The following WDR59 variants were observed in gnomAD, a reference collection of about 807,000 sequenced individuals.
WDR59 encodes GATOR2 complex protein WDR59.
Under a neutral mutation model 131.2 loss-of-function variants are expected in WDR59, and 100 were observed. That is an observed-to-expected ratio of 0.76 (90% CI 0.65 to 0.90). The LOEUF is 0.90. WDR59 is among the 40% of genes least tolerant of loss of function. The pLI is 0.00. For missense variants in WDR59, 1,203 were observed against 1,262.2 expected, an observed-to-expected ratio of 0.95 and a Z score of 0.71; for synonymous variants, 601 against 466.2, an observed-to-expected ratio of 1.29 and a Z score of -3.72.
chr16:74,923,564 G>C (rs941953216), intron 9 of WDR59, among the ~76,000 whole-genome samples: 3 of 152,010 alleles, frequency 2.0e-5, no homozygotes, highest in African/African-American at 7.3e-5. Context: ...TGCAAGCTCT[G>C]CCTCCCGGGT....
chr16:74,882,463 T>C (rs561596172), intron 25 of WDR59, among the ~76,000 whole-genome samples: 1 of 152,134 alleles, frequency 6.6e-6, no homozygotes, highest in African/African-American at 2.4e-5. Flanking sequence ...CCAGGTATGG[T>C]GTCTCACACC....
chr16:74,891,099 C>T (rs1410105772), intron 20 of WDR59, among the ~76,000 whole-genome samples: 1 of 137,792 alleles, frequency 7.3e-6, no homozygotes, highest in African/African-American at 2.8e-5. Flanking sequence ...GGCGACAGAG[C>T]GAGACTCTGT....
chr16:74,979,710 T>TTTA, intron 1 of WDR59, among the ~76,000 whole-genome samples: 1 of 147,172 alleles, frequency 6.8e-6, no homozygotes, highest in South Asian at 2.2e-4. Flanking sequence ...CCGGCTAATT[T>TTTA]TTGTATTTTT....
intron 8 of WDR59, among the ~76,000 whole-genome samples, chr16:74,929,249 G>C (rs1379801929): frequency 2.6e-5 from 4 of 152,042 alleles, no homozygotes. Context: ...TAATTTTTTT[G>C]TATTTTTAGT....
chr16:74,875,420 T>C (rs1964167899), intron 25 of WDR59, among the ~76,000 whole-genome samples: 1 of 152,178 alleles, frequency 6.6e-6, no homozygotes, highest in African/African-American at 2.4e-5. Context: ...GCCAATGTCA[T>C]CCAGCTTCAC....
rs977162019 is a variant in WDR59 at position 74,905,146 on chromosome 16, C to T, written c.1713-1046G>A. Among the ~76,000 whole-genome samples the T allele has an allele frequency of 3.9e-5, 6 of 152,210 alleles. No homozygotes were observed. The East Asian group carries it at 5.8e-4, about 15-fold the overall frequency. ...ATCCCAGCACTTTGGGAGGCCAAGG[C>T]GGGCAGATTACCTGAGGTCGGGAGT... On this transcript the variant is annotated intron_variant, in intron 17 of 25. Coordinates refer to ENST00000262144, the MANE Select transcript of WDR59 (RefSeq NM_030581.4).
intron 7 of WDR59, among the ~76,000 whole-genome samples, chr16:74,939,695 G>A (rs1462075339): frequency 6.6e-6 from 1 of 152,136 alleles, no homozygotes; most frequent in Non-Finnish European, 1.5e-5. Flanking sequence ...GAGGATAAGA[G>A]TGCAGTCTCC....
chr16:74,960,743 G>A (rs994967043), intron 2 of WDR59, among the ~76,000 whole-genome samples: 2 of 115,346 alleles, frequency 1.7e-5, no homozygotes, highest in African/African-American at 3.5e-5. Flanking sequence ...GCAAGATTCC[G>A]TCTCAAAAAT....
chr16:74,924,068 C>T (rs1351442808), intron 8 of WDR59, 65 bp from the exon 9 acceptor site: 7 of 1,509,682 alleles, frequency 4.6e-6, no homozygotes, highest in Non-Finnish European at 6.4e-6. Context: ...CTGAAATAAG[C>T]ACAGCCTTTG....
At chr16:74,971,684 G>A (rs559765607) in intron 1 of WDR59, among the ~76,000 whole-genome samples, 14 of 151,978 alleles carry the variant, frequency 9.2e-5, no homozygotes, top group Admixed American at 2.0e-4. Context: ...CCACCTGCCT[G>A]GGCCTCCCAA....
Position 74,903,931 on chromosome 16 carries a change from C to T in WDR59, c.1866+16G>A, listed in dbSNP as rs767858657. On this transcript the variant is annotated intron_variant, in intron 18 of 25. Transcript: ENST00000262144. ...GAGAAGGGGTAAGAATCAAAGGCTACGGCTCTGGCACTTACCCGCTCCTTG... is the reference window on the plus strand; with the variant it reads ...GAGAAGGGGTAAGAATCAAAGGCTATGGCTCTGGCACTTACCCGCTCCTTG... The T allele has an allele frequency of 1.9e-5, 31 of 1,601,104 alleles. No homozygotes were observed. The East Asian group carries it at 4.3e-4, about 22-fold the overall frequency.
Position 74,872,757 on chromosome 16 carries a change from AG to A in WDR59, c.*1451del, listed in dbSNP as rs912811955. 2.8e-4 allele frequency: 43 copies of A among 152,076 alleles called. No homozygotes were observed. The highest frequency in any genetic ancestry group is 8.9e-4 in the African/African-American group (37 of 41,374). The allele number at this position is 152,076 out of a possible 1,614,324, so 9.4% of individuals were successfully genotyped here. ...GCAAGGAAGACTTTGGTTTATTGAC[AG>A]GGTCTCACTCTGTTGCCCAGGCTGG... On this transcript the variant is annotated 3_prime_UTR_variant, in exon 26 of 26. Coordinates refer to ENST00000262144, the MANE Select transcript of WDR59 (RefSeq NM_030581.4).
chr16:74,957,285 T>C (rs1191088358), intron 2 of WDR59, among the ~76,000 whole-genome samples: 1 of 152,034 alleles, frequency 6.6e-6, no homozygotes, highest in Non-Finnish European at 1.5e-5. Flanking sequence ...TTCACCATGT[T>C]GGCCAGGCTG....
chr16:74,888,247 A>G lies in WDR59; in HGVS notation c.2268T>C (p.Ser756=), dbSNP rs1404975149. ...AMLCSVFEAQ[S]RPQGLPNPFG... ...AGGGGTTTGGTAGCCCCTGAGGCCG[A>G]GACTGGGCTTCAAACACGCTACAGA... is the stretch of plus-strand genomic sequence containing the variant. Residue 756 remains serine, a synonymous_variant, in exon 22 of 26, where the codon TCT becomes TCC. Coordinates refer to ENST00000262144, the MANE Select transcript of WDR59 (RefSeq NM_030581.4). 1 of 1,614,074 alleles carries G rather than the reference A, an allele frequency of 6.2e-7. No individual in the cohort carries two copies. Among genetic ancestry groups the G allele is most frequent in the Non-Finnish European group, 8.5e-7 (1 of 1,180,026 alleles).
intron 1 of WDR59, among the ~76,000 whole-genome samples, chr16:74,975,249 T>C (rs990807003): frequency 6.6e-6 from 1 of 151,978 alleles, no homozygotes; most frequent in African/African-American, 2.4e-5. Flanking sequence ...TAATTCCAGC[T>C]ACTCGGGAGG....
At position 74,972,999 on chromosome 16, in the gene WDR59, G is replaced by A. The variant is rs1308302869; in HGVS notation, c.55-7177C>T. On this transcript the variant is annotated intron_variant, in intron 1 of 25. Transcript: ENST00000262144. ...TGTAATCCCAGCACTTTGGGAGGCC[G>A]AGGCGGGCAGATCACCTGAGGTCTG... 4.0e-5 allele frequency among the ~76,000 whole-genome samples: 6 copies of A among 151,850 alleles called. No homozygotes were observed. The East Asian group carries it at 5.8e-4, about 15-fold the overall frequency.
At chr16:74,920,452 G>C (rs2030093933) in intron 10 of WDR59, among the ~76,000 whole-genome samples, 1 of 152,086 alleles carries the variant, frequency 6.6e-6, no homozygotes, top group Non-Finnish European at 1.5e-5. Context: ...CCAGGCTGGA[G>C]TGCAGTGGCA....
chr16:74,908,364 C>T (rs1965921882), intron 17 of WDR59, among the ~76,000 whole-genome samples: 1 of 152,262 alleles, frequency 6.6e-6, no homozygotes, highest in Non-Finnish European at 1.5e-5. Flanking sequence ...CTGCTGTAAG[C>T]TATGATCATG....
chr16:74,968,597 T>C (rs1212621944), intron 1 of WDR59, among the ~76,000 whole-genome samples: 1 of 152,112 alleles, frequency 6.6e-6, no homozygotes, highest in Non-Finnish European at 1.5e-5. Context: ...GGCATGCATC[T>C]GCAGTCCCAG....
Sources: allele counts gnomAD v4.1 joint callset (sites outside exome capture counted in the v4.1 genomes callset), GRCh38; gene constraint gnomAD v4.1.1; transcripts MANE v1.5; gene names NCBI Gene and HGNC (gene_info 2026-07-23, HGNC 2026-07-21).